The following PIP4K2A variants were observed in gnomAD, a reference collection of about 807,000 sequenced individuals.
The protein encoded by PIP4K2A is phosphatidylinositol 5-phosphate 4-kinase type-2 alpha.
PIP4K2A carries 14 observed loss-of-function variants against 42.9 expected under a neutral mutation model. The observed-to-expected ratio is 0.33, with a 90% CI of 0.22 to 0.51. The LOEUF is 0.51. Among genes scored for constraint, PIP4K2A ranks in the 20% least tolerant of loss-of-function variants. The pLI, the probability that PIP4K2A is intolerant of heterozygous loss-of-function variation, is 0.97. For missense variants in PIP4K2A, 434 were observed against 519.8 expected (o/e 0.83, Z 1.61); for synonymous variants, 192 against 192.2 (o/e 1.00, Z 0.01).
At chr10:22,713,377 C>T (rs1564475546) in intron 1 of PIP4K2A, among the ~76,000 whole-genome samples, 1 of 151,852 alleles carries the variant, frequency 6.6e-6, no homozygotes, top group Non-Finnish European at 1.5e-5. Flanking sequence ...CCCGCCGGGA[C>T]CCCCGCCTGC....
At chr10:22,685,668 C>G (rs937083174) in intron 1 of PIP4K2A, among the ~76,000 whole-genome samples, 1 of 152,112 alleles carries the variant, frequency 6.6e-6, no homozygotes, top group Non-Finnish European at 1.5e-5. Context: ...CTGTGGTAAG[C>G]TATGATCCCA....
intron 1 of PIP4K2A, among the ~76,000 whole-genome samples, chr10:22,622,901 A>G (rs1838361570): frequency 6.6e-6 from 1 of 152,244 alleles, no homozygotes; most frequent in African/African-American, 2.4e-5. Context: ...TTTACCAAAA[A>G]AAGTATGCAT....
intron 1 of PIP4K2A, among the ~76,000 whole-genome samples, chr10:22,685,115 T>G (rs1242176049): frequency 1.3e-5 from 2 of 152,170 alleles, no homozygotes; most frequent in African/African-American, 2.4e-5. Context: ...GGACTTTGAT[T>G]CTGAAAATGG....
chr10:22,691,413 G>A (rs937251121), intron 1 of PIP4K2A, among the ~76,000 whole-genome samples: 2 of 152,086 alleles, frequency 1.3e-5, no homozygotes, highest in African/African-American at 2.4e-5. Flanking sequence ...CAGGATGCTC[G>A]ATTGCCACCC....
At chr10:22,547,369 G>T (rs959417065) in intron 7 of PIP4K2A, among the ~76,000 whole-genome samples, 4 of 152,106 alleles carry the variant, frequency 2.6e-5, no homozygotes, top group African/African-American at 9.7e-5. Context: ...GCCCTCTGAG[G>T]GCCTGACGCC....
At chr10:22,703,668 G>A (rs760575120) in intron 1 of PIP4K2A, among the ~76,000 whole-genome samples, 7 of 152,210 alleles carry the variant, frequency 4.6e-5, no homozygotes, top group Admixed American at 1.3e-4. Flanking sequence ...AGGTTTAACT[G>A]AGGACATGAC....
chr10:22,635,513 TGAG>T (rs1193304186), intron 1 of PIP4K2A, among the ~76,000 whole-genome samples: 13 of 152,140 alleles, frequency 8.5e-5, no homozygotes, highest in Admixed American at 8.5e-4. Context: ...TGAGTTTGTC[TGAG>T]GAGGAGGAAA....
At chr10:22,541,481 ATGTTG>A (rs368691617) in intron 8 of PIP4K2A, among the ~76,000 whole-genome samples, 235 of 152,318 alleles carry the variant, frequency 1.5e-3, no homozygotes, top group African/African-American at 4.2e-3. Context: ...ATGTACATGC[ATGTTG>A]TGTTGTGTGT....
intron 1 of PIP4K2A, among the ~76,000 whole-genome samples, chr10:22,619,504 T>C (rs1838266181): frequency 6.6e-6 from 1 of 151,290 alleles, no homozygotes; most frequent in African/African-American, 2.4e-5. Flanking sequence ...TGGCATGATC[T>C]TAGTTCACTG....
At chr10:22,656,578 G>A (rs536268176) in intron 1 of PIP4K2A, among the ~76,000 whole-genome samples, 5 of 152,028 alleles carry the variant, frequency 3.3e-5, no homozygotes, top group East Asian at 3.9e-4. Context: ...AGGCTGAGGC[G>A]GGTGGATCAC....
chr10:22,624,539 G>C (rs567482673), intron 1 of PIP4K2A, among the ~76,000 whole-genome samples: 3 of 151,726 alleles, frequency 2.0e-5, no homozygotes, highest in East Asian at 1.9e-4. Flanking sequence ...ATGGTTGAGA[G>C]GGAAGAAGAA....
At chr10:22,553,150 C>T (rs1480934841) in intron 6 of PIP4K2A, among the ~76,000 whole-genome samples, 2 of 152,114 alleles carry the variant, frequency 1.3e-5, no homozygotes, top group Non-Finnish European at 2.9e-5. Flanking sequence ...TTGGATCAAG[C>T]TCAAAAAAGG....
chr10:22,690,706 GAAAT>G (rs749011447), intron 1 of PIP4K2A, among the ~76,000 whole-genome samples: 2 of 152,202 alleles, frequency 1.3e-5, no homozygotes, highest in East Asian at 3.8e-4. Flanking sequence ...AGCATGGTAA[GAAAT>G]AACCGTTTTA....
chr10:22,695,737 C>A (rs1037301806), intron 1 of PIP4K2A, among the ~76,000 whole-genome samples: 1 of 152,142 alleles, frequency 6.6e-6, no homozygotes, highest in Non-Finnish European at 1.5e-5. Context: ...ACACATCCTC[C>A]CATATACTCT....
At chr10:22,538,202 G>A (rs1177968274) in intron 9 of PIP4K2A, among the ~76,000 whole-genome samples, 2 of 152,226 alleles carry the variant, frequency 1.3e-5, no homozygotes, top group Non-Finnish European at 2.9e-5. Flanking sequence ...AATGCAGAGA[G>A]AATGGTCCCC....
chr10:22,613,696 T>C, intron 1 of PIP4K2A, among the ~76,000 whole-genome samples: 1 of 152,206 alleles, frequency 6.6e-6, no homozygotes, highest in East Asian at 1.9e-4. Flanking sequence ...CGGGCAGAGC[T>C]GAGCGTCATC....
At chr10:22,566,336 G>T (rs974006461) in intron 6 of PIP4K2A, among the ~76,000 whole-genome samples, 3 of 152,074 alleles carry the variant, frequency 2.0e-5, no homozygotes, top group African/African-American at 7.2e-5. Flanking sequence ...GTGAATATCG[G>T]GGCAGGTTCC....
intron 1 of PIP4K2A, among the ~76,000 whole-genome samples, chr10:22,615,998 G>T (rs994641978): frequency 6.6e-6 from 1 of 152,212 alleles, no homozygotes; most frequent in Admixed American, 6.5e-5. Context: ...CAAATTGCAG[G>T]TGTGGGTCTG....
At chr10:22,593,498 A>T (rs115987528) in intron 3 of PIP4K2A, among the ~76,000 whole-genome samples, 2,822 of 152,334 alleles carry the variant, frequency 0.019, 93 homozygotes, top group African/African-American at 0.064. Context: ...CAAGAGTTTA[A>T]TTCTTAATTA....
Sources: allele counts gnomAD v4.1 joint callset (sites outside exome capture counted in the v4.1 genomes callset), GRCh38; gene constraint gnomAD v4.1.1; transcripts MANE v1.5; gene names NCBI Gene and HGNC (gene_info 2026-07-23, HGNC 2026-07-21).